FAM135B: variants seen among roughly 807,000 people sequenced by gnomAD.
FAM135B encodes protein FAM135B.
FAM135B carries 43 observed loss-of-function variants against 127.7 expected under a neutral mutation model. The ratio of observed to expected loss-of-function variants is 0.34; its 90% CI spans 0.26 to 0.43. The LOEUF (loss-of-function observed/expected upper bound fraction) is 0.43. FAM135B is among the 20% of genes least tolerant of loss of function. The pLI is 1.00. For missense variants in FAM135B, 1,558 were observed against 1,725.6 expected, an observed-to-expected ratio of 0.90 and a Z score of 1.72; for synonymous variants, 670 against 665.1, an observed-to-expected ratio of 1.01 and a Z score of -0.11.
At chr8:138,185,569 C>T (rs1281290847) in intron 9 of FAM135B, among the ~76,000 whole-genome samples, 1 of 152,180 alleles carries the variant, frequency 6.6e-6, no homozygotes, top group East Asian at 1.9e-4. Context: ...ACCAACAAAA[C>T]AGGCTGCCCA....
intron 14 of FAM135B, among the ~76,000 whole-genome samples, chr8:138,147,916 A>G (rs1817789893): frequency 6.6e-6 from 1 of 152,172 alleles, no homozygotes; most frequent in Admixed American, 6.5e-5. Flanking sequence ...ATGAGTGAGA[A>G]AGTTTTTTTG....
At chr8:138,272,596 A>T (rs549569023) in intron 3 of FAM135B, among the ~76,000 whole-genome samples, 3 of 152,334 alleles carry the variant, frequency 2.0e-5, no homozygotes, top group African/African-American at 7.2e-5. Flanking sequence ...TTAATTATAA[A>T]CCATTGTGAC....
intron 2 of FAM135B, among the ~76,000 whole-genome samples, chr8:138,344,522 G>A (rs1384105028): frequency 2.0e-5 from 3 of 150,772 alleles, no homozygotes; most frequent in Admixed American, 6.6e-5. Flanking sequence ...CCTCAAAGAC[G>A]CTTTTCCGAA....
chr8:138,179,228 C>A (rs988592601), intron 9 of FAM135B, among the ~76,000 whole-genome samples: 2 of 152,180 alleles, frequency 1.3e-5, no homozygotes, highest in South Asian at 4.1e-4. Flanking sequence ...CAGCTGGAAA[C>A]CTTTTACTCA....
intron 1 of FAM135B, among the ~76,000 whole-genome samples, chr8:138,389,921 G>T (rs1475119050): frequency 6.6e-6 from 1 of 152,134 alleles, no homozygotes; most frequent in Non-Finnish European, 1.5e-5. Flanking sequence ...TAGTTAGAGG[G>T]CCTAGGAAAT....
intron 3 of FAM135B, among the ~76,000 whole-genome samples, chr8:138,289,444 T>A (rs1824936637): frequency 6.6e-6 from 1 of 152,242 alleles, no homozygotes. Flanking sequence ...TTGCACTCCC[T>A]CACTCCACTT....
Position 138,263,294 on chromosome 8 carries a change from G to A in FAM135B, c.297+2409C>T, listed in dbSNP as rs979270854. Among the ~76,000 whole-genome samples, 19 of 152,184 alleles carry A rather than the reference G, an allele frequency of 1.2e-4. No individual in the cohort carries two copies. In the East Asian group the frequency reaches 2.7e-3, roughly 22 times the overall value. ...TGATATAAGCAGGCTCCAGCACACC[G>A]CCGGACACAGCCAACCCTCCAGGAC... On this transcript the variant is annotated intron_variant, in intron 4 of 19. Transcript: ENST00000395297.
At chr8:138,473,095 C>T (rs1837778229) in intron 1 of FAM135B, among the ~76,000 whole-genome samples, 1 of 152,082 alleles carries the variant, frequency 6.6e-6, no homozygotes, top group Admixed American at 6.6e-5. Flanking sequence ...ACCATTTCCA[C>T]CTTTTGTTCC....
At chr8:138,180,724 A>G (rs1814940285) in intron 9 of FAM135B, among the ~76,000 whole-genome samples, 1 of 152,238 alleles carries the variant, frequency 6.6e-6, no homozygotes, top group South Asian at 2.1e-4. Flanking sequence ...GCTTCCAGAT[A>G]CAGAACATCA....
In FAM135B at chr8:138,320,877, A is replaced by G. The variant is rs770997790; in HGVS notation, c.78-9957T>C. On this transcript the variant is annotated intron_variant, in intron 2 of 19. Transcript: ENST00000395297. The stretch of plus-strand genomic sequence containing the variant: ...ATTCTGTGAGTGATAAAGAATCCAC[A>G]TGCAACTTTTGTAAAATGAGGAGTA... 5.3e-5 allele frequency among the ~76,000 whole-genome samples: 8 copies of G among 152,250 alleles called. No individual in the cohort carries two copies. In the East Asian group the frequency reaches 1.3e-3, roughly 26 times the overall value.
intron 1 of FAM135B, among the ~76,000 whole-genome samples, chr8:138,422,611 T>C (rs1322336455): frequency 6.6e-6 from 1 of 151,686 alleles, no homozygotes; most frequent in Non-Finnish European, 1.5e-5. Context: ...AGTCAAAAAA[T>C]AACAGAAAAA....
chr8:138,402,091 G>A (rs955503936), intron 1 of FAM135B, among the ~76,000 whole-genome samples: 1 of 152,070 alleles, frequency 6.6e-6, no homozygotes, highest in Admixed American at 6.6e-5. Flanking sequence ...GAAGTTCCAC[G>A]GGCAAAAGGG....
chr8:138,222,056 A>T (rs1336798090), intron 7 of FAM135B, among the ~76,000 whole-genome samples: 1 of 152,194 alleles, frequency 6.6e-6, no homozygotes, highest in Non-Finnish European at 1.5e-5. Flanking sequence ...AAGAGAAAGA[A>T]GATGATGTAG....
Position 138,208,782 on chromosome 8 carries a change from C to A in FAM135B, c.670-11113G>T, listed in dbSNP as rs537455685. 4.5e-4 allele frequency among the ~76,000 whole-genome samples: 69 copies of A among 152,198 alleles called. 1 individual carries two copies. The South Asian group carries it at 0.013, about 29-fold the overall frequency. On this transcript the variant is annotated intron_variant, in intron 7 of 19. Transcript: ENST00000395297. ...TATTGGTAGGAATTTCATATGAATC[C>A]TTCCACTGGTGTACTTAAGTGATAT...
At chr8:138,239,578 G>T (rs1275355732) in intron 7 of FAM135B, among the ~76,000 whole-genome samples, 1 of 152,154 alleles carries the variant, frequency 6.6e-6, no homozygotes, top group Non-Finnish European at 1.5e-5. Context: ...AACATTTGTG[G>T]AAGACAGTGT....
At chr8:138,229,568 T>G (rs997325508) in intron 7 of FAM135B, among the ~76,000 whole-genome samples, 35 of 152,194 alleles carry the variant, frequency 2.3e-4, no homozygotes, top group African/African-American at 8.2e-4. Context: ...AGGCAGCCTT[T>G]GTGGGCAGTT....
intron 1 of FAM135B, among the ~76,000 whole-genome samples, chr8:138,424,398 C>T (rs917137921): frequency 6.6e-6 from 1 of 152,174 alleles, no homozygotes; most frequent in African/African-American, 2.4e-5. Flanking sequence ...GTTCGAGGTC[C>T]CTGACTTCCC....
intron 15 of FAM135B, 125 bp downstream of exon 15, chr8:138,145,834 G>T: frequency 1.7e-6 from 1 of 574,186 alleles, no homozygotes; most frequent in Non-Finnish European, 3.1e-6. Flanking sequence ...CAAATGCCTG[G>T]CCAGCATCTC....
At chr8:138,327,795 G>C (rs562808334) in intron 2 of FAM135B, among the ~76,000 whole-genome samples, 10 of 152,296 alleles carry the variant, frequency 6.6e-5, no homozygotes, top group African/African-American at 2.4e-4. Context: ...ACTTCCAAGG[G>C]GGTAAGAAAA....
Sources: allele counts gnomAD v4.1 joint callset (sites outside exome capture counted in the v4.1 genomes callset), GRCh38; gene constraint gnomAD v4.1.1; transcripts MANE v1.5; gene names NCBI Gene and HGNC (gene_info 2026-07-23, HGNC 2026-07-21).